The following TDRP variants were observed in gnomAD, a reference collection of about 807,000 sequenced individuals.
The protein encoded by TDRP is testis development related protein, also known as testis development-related protein.
TDRP carries 12 observed loss-of-function variants against 10.5 expected under a neutral mutation model. That is an observed-to-expected ratio of 1.15 (90% CI 0.73 to 1.86). The LOEUF is 1.86. TDRP is among the 40% of genes most tolerant of loss of function. The pLI, the probability that TDRP is intolerant of heterozygous loss-of-function variation, is 0.00. For synonymous variants in TDRP, 139 were observed against 95.4 expected (o/e 1.46, Z -2.67); for missense variants, 353 against 229.2 (o/e 1.54, Z -3.49).
At chr8:494,619 T>C (rs1801078753) in intron 1 of TDRP, 22 bp from the exon 2 acceptor site, 1 of 1,600,298 alleles carries the variant, frequency 6.2e-7, no homozygotes, top group African/African-American at 1.3e-5. Context: ...TTAAGAAAAA[T>C]GTCAAATCTG....
intron 1 of TDRP, among the ~76,000 whole-genome samples, chr8:500,722 G>A (rs1203530025): frequency 2.0e-5 from 3 of 152,228 alleles, no homozygotes; most frequent in East Asian, 1.9e-4. Flanking sequence ...AAGGGCAGGT[G>A]TATCGGACTC....
Position 491,695 on chromosome 8 carries a change from G to A in TDRP, c.*704C>T. 3 of 1,492,846 alleles carry A rather than the reference G, an allele frequency of 2.0e-6. No individual in the cohort carries two copies. Among genetic ancestry groups the A allele is most frequent in the Non-Finnish European group, 2.6e-6 (3 of 1,133,846 alleles). 92.5% of individuals were successfully genotyped at this position (1,492,846 alleles called of 1,614,324 possible). A position where few individuals can be genotyped will look rare whatever the true frequency, so the allele number is the denominator to read the frequency against. On this transcript the variant is annotated 3_prime_UTR_variant, in exon 3 of 3. Coordinates refer to ENST00000324079, the MANE Select transcript of TDRP (RefSeq NM_001384899.1). ...TCTGTAAACAAAAAAGAGAGCAAAT[G>A]TTTTAAGAAAATAAAGGGACCGATT...
upstream of TDRP, chr8:545,780 C>T (rs1156524838): frequency 1.3e-5 from 2 of 151,184 alleles, no homozygotes; most frequent in Admixed American, 1.3e-4. Flanking sequence ...TCGGCCCGGA[C>T]TGACGGCGGT....
At chr8:542,643 T>C (rs1802529822) in intron 1 of TDRP, among the ~76,000 whole-genome samples, 1 of 151,932 alleles carries the variant, frequency 6.6e-6, no homozygotes. Flanking sequence ...GGAGGGCAGA[T>C]CACCTGAGAT....
At chr8:499,184 T>C (rs531104560) in intron 1 of TDRP, among the ~76,000 whole-genome samples, 9 of 152,278 alleles carry the variant, frequency 5.9e-5, no homozygotes, top group African/African-American at 2.2e-4. Context: ...AGGAATAAGA[T>C]GCCAAAAAAA....
At chr8:540,132 T>G (rs1396752006) in intron 1 of TDRP, among the ~76,000 whole-genome samples, 2 of 152,216 alleles carry the variant, frequency 1.3e-5, no homozygotes, top group Non-Finnish European at 2.9e-5. Context: ...CTGCACTTCT[T>G]TTCTCTACTA....
intron 1 of TDRP, among the ~76,000 whole-genome samples, chr8:515,220 G>A (rs187159715): frequency 4.6e-5 from 7 of 152,246 alleles, no homozygotes; most frequent in Admixed American, 4.6e-4. Context: ...CATTCTCAGT[G>A]TCTTTTCTGC....
At chr8:501,132 G>A (rs898535831) in intron 1 of TDRP, among the ~76,000 whole-genome samples, 2 of 151,738 alleles carry the variant, frequency 1.3e-5, no homozygotes, top group Non-Finnish European at 2.9e-5. Context: ...GTGAACCCGA[G>A]GAGGTGGAGC....
At chr8:542,546 C>T (rs1035325919) in intron 1 of TDRP, among the ~76,000 whole-genome samples, 6 of 152,002 alleles carry the variant, frequency 3.9e-5, no homozygotes, top group Admixed American at 3.9e-4. Flanking sequence ...GTTTTTTCCC[C>T]CCAAAACCAA....
At chr8:519,283 C>T (rs1801835130) in intron 1 of TDRP, among the ~76,000 whole-genome samples, 1 of 152,176 alleles carries the variant, frequency 6.6e-6, no homozygotes, top group Non-Finnish European at 1.5e-5. Flanking sequence ...TATCTCTCTT[C>T]TGTTGAGCTG....
At chr8:500,972 C>CG (rs1801275908) in intron 1 of TDRP, among the ~76,000 whole-genome samples, 1 of 152,150 alleles carries the variant, frequency 6.6e-6, no homozygotes, top group Non-Finnish European at 1.5e-5. Context: ...TCTGGGAGGC[C>CG]AAGGTGGGTG....
intron 1 of TDRP, among the ~76,000 whole-genome samples, chr8:522,788 GT>G (rs1456397643): frequency 6.6e-6 from 1 of 152,068 alleles, no homozygotes; most frequent in Non-Finnish European, 1.5e-5. Flanking sequence ...GTCCTTCTTT[GT>G]GTTTTGTGAC....
intron 1 of TDRP, among the ~76,000 whole-genome samples, chr8:520,615 G>A (rs535337605): frequency 4.6e-5 from 7 of 152,162 alleles, no homozygotes; most frequent in Non-Finnish European, 1.0e-4. Flanking sequence ...TGGTTATTTT[G>A]CTTTTTTGAT....
In TDRP at chr8:492,055, A is replaced by C. The variant is rs1026844100; in HGVS notation, c.*344T>G. On this transcript the variant is annotated 3_prime_UTR_variant, in exon 3 of 3. Transcript: ENST00000324079. ...AAAGGTACGGAAGTTCTGAAACAGAACTACAACACAGAGCAGCATGAAAAT... is the reference window on the plus strand; with the variant it reads ...AAAGGTACGGAAGTTCTGAAACAGACCTACAACACAGAGCAGCATGAAAAT... 8.8e-7 allele frequency: 1 copy of C among 1,137,056 alleles called. No individual in the cohort carries two copies. The highest frequency in any genetic ancestry group is 1.6e-5 in the African/African-American group (1 of 62,238). 70.4% of individuals were successfully genotyped at this position (1,137,056 alleles called of 1,614,324 possible). A position where few individuals can be genotyped will look rare whatever the true frequency, so the allele number is the denominator to read the frequency against.
At chr8:542,146 A>C (rs2116885355) in intron 1 of TDRP, among the ~76,000 whole-genome samples, 1 of 152,324 alleles carries the variant, frequency 6.6e-6, no homozygotes, top group South Asian at 2.1e-4. Context: ...TTTCTAAGTG[A>C]GAGAAACCTA....
intron 1 of TDRP, among the ~76,000 whole-genome samples, chr8:541,797 T>G (rs1379486296): frequency 6.6e-6 from 1 of 152,172 alleles, no homozygotes; most frequent in African/African-American, 2.4e-5. Context: ...TCTCATTCCT[T>G]GTCCATGGGA....
intron 1 of TDRP, among the ~76,000 whole-genome samples, chr8:509,661 G>T (rs1467501891): frequency 6.6e-6 from 1 of 152,126 alleles, no homozygotes; most frequent in African/African-American, 2.4e-5. Context: ...GATGGGAGGG[G>T]CTGCCCCAAA....
intron 1 of TDRP, among the ~76,000 whole-genome samples, chr8:519,646 T>C (rs568857938): frequency 2.0e-5 from 3 of 151,592 alleles, no homozygotes; most frequent in East Asian, 3.9e-4. Context: ...CCTCAAAGGG[T>C]TGGGTTGCTC....
intron 1 of TDRP, among the ~76,000 whole-genome samples, chr8:517,226 T>A (rs1474465886): frequency 3.9e-5 from 6 of 152,160 alleles, no homozygotes; most frequent in Non-Finnish European, 8.8e-5. Flanking sequence ...CAGCATCACA[T>A]GACAGCAGGC....
Sources: gnomAD v4.1 joint callset for allele counts (sites outside exome capture counted in the v4.1 genomes callset) on GRCh38, gnomAD v4.1.1 for gene constraint, MANE v1.5 for transcripts, NCBI Gene and HGNC (gene_info 2026-07-23, HGNC 2026-07-21) for gene names.